Variants in PTBP3 observed in about 807,000 individuals in gnomAD.
PTBP3 encodes the protein polypyrimidine tract-binding protein 3.
Under a neutral mutation model 58.7 loss-of-function variants are expected in PTBP3, and 20 were observed. That is an observed-to-expected ratio of 0.34 (90% confidence interval 0.24 to 0.50). The LOEUF (loss-of-function observed/expected upper bound fraction) is 0.50, where lower values mean the gene tolerates loss of function less well. Among genes scored for constraint, PTBP3 ranks in the 20% least tolerant of loss-of-function variants. The pLI is 0.98. For synonymous variants in PTBP3, 185 were observed against 219.8 expected (o/e 0.84, Z 1.40); for missense variants, 509 against 637.2 (o/e 0.80, Z 2.17).
Position 112,222,782 on chromosome 9 carries a change from TA to T in PTBP3, c.*1068del. 1 of 935,810 alleles carries T rather than the reference TA, an allele frequency of 1.1e-6. No individual in the cohort carries two copies. Among genetic ancestry groups the T allele is most frequent in the Non-Finnish European group, 1.3e-6 (1 of 784,488 alleles). The allele number at this position is 935,810 out of a possible 1,614,324, so 58.0% of individuals were successfully genotyped here. A position where few individuals can be genotyped will look rare whatever the true frequency, so the allele number is the denominator to read the frequency against. On this transcript the variant is annotated 3_prime_UTR_variant, in exon 14 of 14. Coordinates refer to ENST00000374257, the MANE Select transcript of PTBP3 (RefSeq NM_001163788.4). Reference sequence around the variant, plus strand: ...GATTAAACTCTAACCTATTGTATCTTAAGCACATAATAAGGCACATAATAAG... The same window carrying T: ...GATTAAACTCTAACCTATTGTATCTTAGCACATAATAAGGCACATAATAAG...
At chr9:112,333,003 G>C in intron 1 of PTBP3, 1 of 1,281,920 alleles carries the variant, frequency 7.8e-7, no homozygotes. Context: ...GCGTGCACCC[G>C]CCGTCGGCCG....
At chr9:112,377,460 T>C in the PTBP3 span, among the ~76,000 whole-genome samples, 2 of 152,202 alleles carry the variant, frequency 1.3e-5, no homozygotes, top group African/African-American at 4.8e-5. Flanking sequence ...TCTAGAAAGA[T>C]CATGCTGCTG....
At chr9:112,228,033 A>G (rs1372758801) in intron 11 of PTBP3, among the ~76,000 whole-genome samples, 3 of 152,194 alleles carry the variant, frequency 2.0e-5, no homozygotes, top group Admixed American at 6.6e-5. Flanking sequence ...AAGTTTGCCC[A>G]AACTTTTAAG....
At chr9:112,228,937 A>T (rs952120427) in intron 10 of PTBP3, among the ~76,000 whole-genome samples, 2 of 152,038 alleles carry the variant, frequency 1.3e-5, no homozygotes, top group Non-Finnish European at 2.9e-5. Flanking sequence ...ACCATTTCAC[A>T]CTCGGACAAT....
At position 112,270,566 on chromosome 9, in the gene PTBP3, C is replaced by G. The variant is rs144843949; in HGVS notation, c.205-2371G>C. Among the ~76,000 whole-genome samples, 2 of 152,054 alleles carry G rather than the reference C, an allele frequency of 1.3e-5. 1 individual carries two copies. The highest frequency in any genetic ancestry group is 4.1e-4 in the South Asian group (2 of 4,834). On this transcript the variant is annotated intron_variant, in intron 3 of 13. Coordinates refer to ENST00000374257, the MANE Select transcript of PTBP3 (RefSeq NM_001163788.4). ...AAGATAAGAATCATAATTAAGCATT[C>G]CTTAAAAAGGCATCTGAAATTCCAG...
intron 2 of PTBP3, among the ~76,000 whole-genome samples, chr9:112,291,015 A>G (rs1299092270): frequency 6.6e-6 from 1 of 152,116 alleles, no homozygotes; most frequent in African/African-American, 2.4e-5. Flanking sequence ...TGAGGTCAGG[A>G]GTTTGAGACC....
rs78011344 is a variant in PTBP3, at chr9:112,232,664, T to C, written c.881-426A>G. Among the ~76,000 whole-genome samples the C allele has an allele frequency of 9.2e-3, 1,404 of 152,328 alleles. 22 individuals carry two copies. Among genetic ancestry groups the C allele is most frequent in the African/African-American group, 0.033 (1,357 of 41,580 alleles). ...GTCCTTCAGCAGAAAGTCAAAAACATGCATGCTAGGTAGTGCTATATGACA... is the reference window on the plus strand; with the variant it reads ...GTCCTTCAGCAGAAAGTCAAAAACACGCATGCTAGGTAGTGCTATATGACA... On this transcript the variant is annotated intron_variant, in intron 8 of 13. Transcript: ENST00000374257.
At chr9:112,276,791 AAT>A (rs1394156436) in intron 2 of PTBP3, among the ~76,000 whole-genome samples, 1 of 152,196 alleles carries the variant, frequency 6.6e-6, no homozygotes. Context: ...CTATTGTTTC[AAT>A]ACTGAGAATA....
intron 1 of PTBP3, among the ~76,000 whole-genome samples, chr9:112,311,006 T>C (rs993741361): frequency 6.6e-6 from 1 of 152,180 alleles, no homozygotes; most frequent in African/African-American, 2.4e-5. Flanking sequence ...AGAACCTTAC[T>C]CTGAGCGAAA....
chr9:112,282,466 T>C (rs1003627481), intron 2 of PTBP3, among the ~76,000 whole-genome samples: 4 of 152,180 alleles, frequency 2.6e-5, no homozygotes, highest in Non-Finnish European at 5.9e-5. Context: ...GATGATTCAC[T>C]TTAGACATTT....
chr9:112,236,128 T>A (rs1482251636), intron 7 of PTBP3, among the ~76,000 whole-genome samples: 1 of 151,976 alleles, frequency 6.6e-6, no homozygotes, highest in Non-Finnish European at 1.5e-5. Flanking sequence ...TCATATAATT[T>A]TATTTTCTTC....
At chr9:112,348,114 G>A in the PTBP3 span, among the ~76,000 whole-genome samples, 1,706 of 152,256 alleles carry the variant, frequency 0.011, 32 homozygotes, top group African/African-American at 0.039. Flanking sequence ...AGTAGACAGT[G>A]TATTATTGCA....
chr9:112,267,490 G>A (rs1343128420), intron 4 of PTBP3, among the ~76,000 whole-genome samples: 1 of 152,086 alleles, frequency 6.6e-6, no homozygotes, highest in African/African-American at 2.4e-5. Context: ...AAGATTTTCT[G>A]TCCTTAAATA....
At chr9:112,227,938 A>C (rs1453698945) in intron 11 of PTBP3, among the ~76,000 whole-genome samples, 1 of 152,182 alleles carries the variant, frequency 6.6e-6, no homozygotes, top group Non-Finnish European at 1.5e-5. Context: ...ATCTCAAGCA[A>C]GGCATTTTTA....
chr9:112,363,074 C>A, the PTBP3 span: 1 of 176,750 alleles, frequency 5.7e-6, no homozygotes, highest in South Asian at 1.2e-4. Flanking sequence ...CCATCAGAGT[C>A]ACCAGTCGCA....
intron 3 of PTBP3, among the ~76,000 whole-genome samples, chr9:112,269,121 C>A (rs1245447083): frequency 6.6e-6 from 1 of 150,730 alleles, no homozygotes; most frequent in Non-Finnish European, 1.5e-5. Context: ...CACTTGAACC[C>A]AGGAGGCGGA....
At chr9:112,244,992 T>C (rs1166521207) in intron 7 of PTBP3, among the ~76,000 whole-genome samples, 2 of 152,166 alleles carry the variant, frequency 1.3e-5, no homozygotes, top group Non-Finnish European at 2.9e-5. Flanking sequence ...ATTGTAGCAA[T>C]GCCCAGAAAA....
chr9:112,234,672 T>C (rs1835373446), intron 8 of PTBP3, 148 bp downstream of exon 8: 4 of 641,998 alleles, frequency 6.2e-6, no homozygotes, highest in Admixed American at 3.0e-5. Flanking sequence ...AAGCTATATA[T>C]CATACAAATC....
chr9:112,268,559 G>A (rs932972578), intron 3 of PTBP3, among the ~76,000 whole-genome samples: 20 of 151,508 alleles, frequency 1.3e-4, no homozygotes, highest in African/African-American at 4.9e-4. Flanking sequence ...AGCGGGGCAT[G>A]GTGGCACATG....
Sources: allele counts gnomAD v4.1 joint callset (sites outside exome capture counted in the v4.1 genomes callset), GRCh38; gene constraint gnomAD v4.1.1; transcripts MANE v1.5; gene names NCBI Gene and HGNC (gene_info 2026-07-23, HGNC 2026-07-21).